SLC24A3: variants seen among roughly 807,000 people sequenced by gnomAD.
SLC24A3 encodes sodium/potassium/calcium exchanger 3.
SLC24A3 carries 28 observed loss-of-function variants against 75.8 expected under a neutral mutation model. The observed-to-expected ratio is 0.37, with a 90% CI of 0.27 to 0.51. The LOEUF (loss-of-function observed/expected upper bound fraction) is 0.51. Ranked by LOEUF, SLC24A3 falls within the 20% of genes least tolerant of loss-of-function variation. The pLI, the probability that SLC24A3 is intolerant of heterozygous loss-of-function variation, is 0.94. For missense variants in SLC24A3, 663 were observed against 847.8 expected, an observed-to-expected ratio of 0.78 and a Z score of 2.71; for synonymous variants, 372 against 334.1, an observed-to-expected ratio of 1.11 and a Z score of -1.24.
At chr20:19,602,159 A>G (rs1427578104) in intron 6 of SLC24A3, among the ~76,000 whole-genome samples, 2 of 152,182 alleles carry the variant, frequency 1.3e-5, no homozygotes, top group African/African-American at 2.4e-5. Flanking sequence ...GGGCGACAAG[A>G]GCAAAACTGT....
At chr20:19,490,189 C>T (rs1176937309) in intron 2 of SLC24A3, among the ~76,000 whole-genome samples, 2 of 152,298 alleles carry the variant, frequency 1.3e-5, no homozygotes, top group Admixed American at 1.3e-4. Context: ...ATCTTTCACT[C>T]TAGATGGTAA....
intron 2 of SLC24A3, among the ~76,000 whole-genome samples, chr20:19,363,674 G>A (rs753686366): frequency 5.3e-5 from 8 of 152,138 alleles, no homozygotes; most frequent in East Asian, 1.9e-4. Flanking sequence ...ACACACCCTC[G>A]TGTGGCTTAT....
At chr20:19,304,155 T>G (rs1301975031) in intron 2 of SLC24A3, among the ~76,000 whole-genome samples, 1 of 152,258 alleles carries the variant, frequency 6.6e-6, no homozygotes, top group Non-Finnish European at 1.5e-5. Flanking sequence ...CTTCCCTAGC[T>G]TCTCTTTAAT....
In SLC24A3 at chr20:19,455,271, T is replaced by C. The variant is rs527769066; in HGVS notation, c.272-60217T>C. ...TTTTCTTTTTCCATAGACCCTGATATAGTGTTGAGTCATTGGTGGGTTGAT... is the reference window on the plus strand; with the variant it reads ...TTTTCTTTTTCCATAGACCCTGATACAGTGTTGAGTCATTGGTGGGTTGAT... On this transcript the variant is annotated intron_variant, in intron 2 of 16. Transcript: ENST00000328041. 2.6e-5 allele frequency among the ~76,000 whole-genome samples: 4 copies of C among 152,314 alleles called. No homozygotes were observed. The South Asian group carries it at 8.3e-4, about 32-fold the overall frequency.
chr20:19,698,250 C>T (rs1478772081), intron 14 of SLC24A3, among the ~76,000 whole-genome samples: 1 of 152,262 alleles, frequency 6.6e-6, no homozygotes, highest in African/African-American at 2.4e-5. Context: ...CAAGCCTCAC[C>T]TCCAACACTG....
intron 9 of SLC24A3, among the ~76,000 whole-genome samples, chr20:19,674,421 A>G (rs937315530): frequency 3.9e-5 from 6 of 152,188 alleles, no homozygotes; most frequent in Admixed American, 3.3e-4. Flanking sequence ...CTGGTGTGGG[A>G]GAACCTGCCT....
chr20:19,467,670 C>T (rs1159792178), intron 2 of SLC24A3, among the ~76,000 whole-genome samples: 1 of 152,006 alleles, frequency 6.6e-6, no homozygotes, highest in East Asian at 1.9e-4. Flanking sequence ...CACCTGAGGT[C>T]AGGAAGTCGA....
chr20:19,368,592 TGCATGCTCAGGGG>T (rs1228983582), intron 2 of SLC24A3, among the ~76,000 whole-genome samples: 1 of 152,344 alleles, frequency 6.6e-6, no homozygotes, highest in East Asian at 1.9e-4. Flanking sequence ...TTCTCCTTCC[TGCATGCTCAGGGG>T]GCACCACCCC....
intron 2 of SLC24A3, among the ~76,000 whole-genome samples, chr20:19,354,331 G>T (rs2122329395): frequency 6.6e-6 from 1 of 152,308 alleles, no homozygotes; most frequent in Admixed American, 6.5e-5. Context: ...CTAGTTGTAT[G>T]AGAGTCTAGG....
chr20:19,491,158 A>G (rs1375482698), intron 2 of SLC24A3, among the ~76,000 whole-genome samples: 1 of 152,130 alleles, frequency 6.6e-6, no homozygotes, highest in Non-Finnish European at 1.5e-5. Context: ...TTTAGATGCC[A>G]GGGATAGCAG....
chr20:19,481,140 C>T (rs181461610), intron 2 of SLC24A3, among the ~76,000 whole-genome samples: 6 of 152,272 alleles, frequency 3.9e-5, no homozygotes, highest in South Asian at 2.1e-4. Context: ...CCTCTGCCCA[C>T]GATGAGTTTC....
intron 2 of SLC24A3, among the ~76,000 whole-genome samples, chr20:19,384,368 T>G (rs1600457914): frequency 6.6e-6 from 1 of 152,204 alleles, no homozygotes; most frequent in Non-Finnish European, 1.5e-5. Flanking sequence ...ACCACCATTC[T>G]ACTTGCTGCT....
intron 1 of SLC24A3, among the ~76,000 whole-genome samples, chr20:19,236,226 G>A (rs1211612874): frequency 6.6e-6 from 1 of 152,196 alleles, no homozygotes; most frequent in African/African-American, 2.4e-5. Flanking sequence ...GAATGGGCAT[G>A]TACAGTCAAA....
chr20:19,631,645 C>G (rs1032608420), intron 6 of SLC24A3, among the ~76,000 whole-genome samples: 3 of 152,146 alleles, frequency 2.0e-5, no homozygotes, highest in African/African-American at 7.2e-5. Context: ...TTGTACTGCA[C>G]GTTGCTAGCC....
At chr20:19,237,542 T>C (rs1050472075) in intron 1 of SLC24A3, among the ~76,000 whole-genome samples, 6 of 152,170 alleles carry the variant, frequency 3.9e-5, no homozygotes, top group East Asian at 1.9e-4. Context: ...GCAGAACAGC[T>C]TGGGTCCAGT....
chr20:19,678,248 C>G (rs1280208716), intron 9 of SLC24A3, among the ~76,000 whole-genome samples: 2 of 149,676 alleles, frequency 1.3e-5, no homozygotes. Context: ...GGGTGGTGGC[C>G]GGGCAGAGGG....
intron 2 of SLC24A3, among the ~76,000 whole-genome samples, chr20:19,403,813 C>T (rs974723033): frequency 7.2e-5 from 11 of 152,180 alleles, no homozygotes; most frequent in African/African-American, 2.7e-4. Flanking sequence ...AGCTAGAATG[C>T]AATTTGAAAT....
At chr20:19,451,742 C>T (rs1987484395) in intron 2 of SLC24A3, among the ~76,000 whole-genome samples, 4 of 152,224 alleles carry the variant, frequency 2.6e-5, no homozygotes, top group Admixed American at 2.6e-4. Flanking sequence ...GACTCTGTCT[C>T]TTCCTGGTGT....
intron 2 of SLC24A3, among the ~76,000 whole-genome samples, chr20:19,292,488 A>G (rs1288521032): frequency 2.0e-5 from 3 of 152,206 alleles, no homozygotes; most frequent in Admixed American, 6.5e-5. Flanking sequence ...GCCTGTCAGT[A>G]TCAAGGTAAG....
Sources: gnomAD v4.1 joint callset for allele counts (sites outside exome capture counted in the v4.1 genomes callset) on GRCh38, gnomAD v4.1.1 for gene constraint, MANE v1.5 for transcripts, NCBI Gene and HGNC (gene_info 2026-07-23, HGNC 2026-07-21) for gene names.